SERINC2: variants seen among roughly 807,000 people sequenced by gnomAD.
SERINC2 encodes the protein serine incorporator 2, also known as tumor differentially expressed protein 2.
In SERINC2, 56 loss-of-function variants were observed where a neutral mutation model predicts 54.2. The ratio of observed to expected loss-of-function variants is 1.03; its 90% CI spans 0.83 to 1.29. The LOEUF is 1.29. Among genes scored for constraint, SERINC2 ranks in the 50% most tolerant of loss-of-function variants. The pLI, the probability that SERINC2 is intolerant of heterozygous loss-of-function variation, is 0.00. For missense variants in SERINC2, 614 were observed against 607.4 expected, an observed-to-expected ratio of 1.01 and a Z score of -0.12; for synonymous variants, 272 against 253.1, an observed-to-expected ratio of 1.07 and a Z score of -0.71.
At chr1:31,425,949 G>T (rs782361222) in intron 5 of SERINC2, 36 bp downstream of exon 5, 1 of 1,595,116 alleles carries the variant, frequency 6.3e-7, no homozygotes, top group East Asian at 2.3e-5. Flanking sequence ...GTGGGGACTC[G>T]AGCCTGGGCA....
intron 1 of SERINC2, chr1:31,414,353 C>T: frequency 7.8e-7 from 1 of 1,277,748 alleles, no homozygotes; most frequent in Middle Eastern, 3.0e-4. Flanking sequence ...ACAAAGAGGC[C>T]CTGAGAGGGA....
At chr1:31,423,883 C>T in intron 2 of SERINC2, 29 bp downstream of exon 2, 1 of 1,606,884 alleles carries the variant, frequency 6.2e-7, no homozygotes, top group East Asian at 2.2e-5. Context: ...GCAGGGCGGC[C>T]TCCAGCGAGG....
intron 5 of SERINC2, 23 bp downstream of exon 5, chr1:31,425,936 C>A: frequency 6.2e-7 from 1 of 1,603,428 alleles, no homozygotes; most frequent in South Asian, 1.1e-5. Flanking sequence ...ACCCTGCCTC[C>A]GTGTGGGGAC....
upstream of SERINC2, among the ~76,000 whole-genome samples, chr1:31,412,280 C>A (rs543426584): frequency 3.9e-5 from 6 of 152,264 alleles, no homozygotes; most frequent in Non-Finnish European, 8.8e-5. Context: ...ACTTCTGGGT[C>A]TCTCACACCT....
chr1:31,410,287 G>A, upstream of SERINC2: 8 of 1,518,038 alleles, frequency 5.3e-6, 1 homozygote, highest in South Asian at 1.0e-4. Context: ...GGCTGGCCAG[G>A]ACACCAAGAA....
upstream of SERINC2, chr1:31,409,897 G>A (rs1020379836): frequency 2.7e-6 from 4 of 1,502,334 alleles, no homozygotes; most frequent in Non-Finnish European, 2.7e-6. Flanking sequence ...ACTGAGGCGG[G>A]GGCAGGAGTT....
In SERINC2 at chr1:31,429,490, C is replaced by G. The variant is rs782563144; in HGVS notation, c.965C>G (p.Pro322Arg). 6.2e-6 allele frequency: 10 copies of G among 1,613,642 alleles called. No homozygotes were observed. Among genetic ancestry groups the G allele is most frequent in the African/African-American group, 5.3e-5 (4 of 74,940 alleles). The change falls in exon 8 of 10, where the codon CCG becomes CGG. Residue 322 changes from proline to arginine, a missense_variant. Coordinates refer to ENST00000373709, the MANE Select transcript of SERINC2 (RefSeq NM_178865.5). The stretch of plus-strand genomic sequence containing the variant: ...TATGAGACCCAGTGGTGGGATGCCC[C>G]GAGCATTGTGGGCCTCATCATCTTC... ...EGYETQWWDA[P>R]SIVGLIIFLL...
At chr1:31,431,431 C>G (rs1641195479) in intron 8 of SERINC2, among the ~76,000 whole-genome samples, 1 of 152,064 alleles carries the variant, frequency 6.6e-6, no homozygotes. Flanking sequence ...GCCTGATTAC[C>G]TTCATTTTAC....
intron 1 of SERINC2, chr1:31,416,002 A>G: frequency 1.4e-6 from 1 of 717,400 alleles, no homozygotes; most frequent in Non-Finnish European, 1.7e-6. Context: ...CTGTCTGCAA[A>G]GATTTCAGGA....
At chr1:31,433,207 GACA>G (rs782342835) in intron 9 of SERINC2, 22 bp downstream of exon 9, 1 of 1,604,192 alleles carries the variant, frequency 6.2e-7, no homozygotes, top group Non-Finnish European at 8.5e-7. Flanking sequence ...GTGGGGCATG[GACA>G]GAGCCCGGAG....
chr1:31,425,202 A>T (rs1266301503), intron 3 of SERINC2, 128 bp from the exon 4 acceptor site: 1 of 770,352 alleles, frequency 1.3e-6, no homozygotes, highest in African/African-American at 1.7e-5. Context: ...AGACCACCAG[A>T]AAGCCCACCC....
At position 31,415,455 on chromosome 1, in the gene SERINC2, G is replaced by T. The variant is rs543153151; in HGVS notation, c.39+2151G>T. Reference sequence around the variant, plus strand: ...CCCACCTCCTCTACCCTATGACATCGTTAGCCCATTTTACAGATAACTATC... The same window carrying T: ...CCCACCTCCTCTACCCTATGACATCTTTAGCCCATTTTACAGATAACTATC... On this transcript the variant is annotated intron_variant, in intron 1 of 9. Coordinates refer to ENST00000373709, the MANE Select transcript of SERINC2 (RefSeq NM_178865.5). Among the ~76,000 whole-genome samples, 4 of 152,288 alleles carry T rather than the reference G, an allele frequency of 2.6e-5. No homozygotes were observed. In the East Asian group the frequency reaches 7.7e-4, roughly 29 times the overall value.
intron 7 of SERINC2, 141 bp from the exon 8 acceptor site, chr1:31,429,256 G>A (rs1641128444): frequency 3.5e-6 from 4 of 1,132,602 alleles, no homozygotes; most frequent in African/African-American, 1.6e-5. Context: ...TGTGACTGCT[G>A]AGCGCTCTGT....
intron 8 of SERINC2, among the ~76,000 whole-genome samples, chr1:31,431,582 C>G (rs1400436796): frequency 6.6e-6 from 1 of 152,220 alleles, no homozygotes; most frequent in Non-Finnish European, 1.5e-5. Flanking sequence ...CTGCTGCTTC[C>G]ACACCCACAG....
chr1:31,432,106 G>A (rs1553134714), intron 8 of SERINC2, among the ~76,000 whole-genome samples: 24 of 129,862 alleles, frequency 1.8e-4, no homozygotes, highest in Admixed American at 3.7e-4. Flanking sequence ...GGTGGACAGG[G>A]TGGATAGGGT....
At chr1:31,424,562 C>G (rs1353303626) in intron 2 of SERINC2, 121 bp from the exon 3 acceptor site, 4 of 782,654 alleles carry the variant, frequency 5.1e-6, no homozygotes, top group Non-Finnish European at 8.1e-6. Flanking sequence ...TCTGGTCCAG[C>G]CCCTGCTGGG....
At chr1:31,412,217 A>G (rs564168854), upstream of SERINC2, among the ~76,000 whole-genome samples, 147 of 152,254 alleles carry the variant, frequency 9.7e-4, no homozygotes, top group African/African-American at 3.4e-3. Flanking sequence ...TATCTTGTCC[A>G]GAGGTGGCTG....
intron 8 of SERINC2, among the ~76,000 whole-genome samples, chr1:31,431,496 C>A (rs569733226): frequency 1.3e-5 from 2 of 152,102 alleles, no homozygotes; most frequent in Non-Finnish European, 2.9e-5. Context: ...TGGCCGGTGG[C>A]CAAGGAGCTT....
chr1:31,431,796 T>TGGACAGGGTGGACAGGGTGGAC (rs1641221342), intron 8 of SERINC2, among the ~76,000 whole-genome samples: 1 of 10,926 alleles, frequency 9.2e-5, no homozygotes, highest in African/African-American at 2.2e-4. Context: ...ATAGGGTGGA[T>TGGACAGGGTGGACAGGGTGGAC]AGGGTGGACA....
Sources: gnomAD v4.1 joint callset for allele counts (sites outside exome capture counted in the v4.1 genomes callset) on GRCh38, gnomAD v4.1.1 for gene constraint, MANE v1.5 for transcripts, NCBI Gene and HGNC (gene_info 2026-07-23, HGNC 2026-07-21) for gene names.